The following CCDC171 variants were observed in gnomAD, a reference collection of about 807,000 sequenced individuals.
The protein encoded by CCDC171 is coiled-coil domain containing 171.
A neutral mutation model predicts 168.2 loss-of-function variants in CCDC171; 177 were observed. That is an observed-to-expected ratio of 1.05 (90% CI 0.93 to 1.19). The LOEUF (loss-of-function observed/expected upper bound fraction) is 1.19. Among genes scored for constraint, CCDC171 ranks in the 50% most tolerant of loss-of-function variants. The pLI, the probability that CCDC171 is intolerant of heterozygous loss-of-function variation, is 0.00. For missense variants in CCDC171, 1,991 were observed against 1,539.0 expected (o/e 1.29, Z -4.91); for synonymous variants, 687 against 540.8 (o/e 1.27, Z -3.75).
intron 3 of CCDC171, among the ~76,000 whole-genome samples, chr9:15,985,344 T>C (rs1319626089): frequency 6.6e-6 from 1 of 152,216 alleles, no homozygotes. Flanking sequence ...ACTGATCCTT[T>C]AGTCAGATTA....
At chr9:15,920,084 C>G (rs1359670322) in intron 24 of CCDC171, among the ~76,000 whole-genome samples, 186 bp from the exon 25 acceptor site, 1 of 151,620 alleles carries the variant, frequency 6.6e-6, no homozygotes, top group Non-Finnish European at 1.5e-5. Flanking sequence ...CAATTATTTT[C>G]TCACAAACTT....
chr9:15,599,839 C>A (rs200193443), intron 6 of CCDC171, among the ~76,000 whole-genome samples: 1 of 152,082 alleles, frequency 6.6e-6, no homozygotes, highest in Non-Finnish European at 1.5e-5. Context: ...TGGAGACTTT[C>A]TTTGTTTCTT....
intron 21 of CCDC171, among the ~76,000 whole-genome samples, chr9:15,809,577 G>T (rs142148786): frequency 6.6e-6 from 1 of 152,044 alleles, no homozygotes; most frequent in African/African-American, 2.4e-5. Context: ...AGACTTTCGC[G>T]GTGTGTGTTA....
intron 6 of CCDC171, among the ~76,000 whole-genome samples, chr9:16,031,183 GT>G (rs1382079226): frequency 1.3e-5 from 2 of 152,232 alleles, no homozygotes; most frequent in South Asian, 2.1e-4. Flanking sequence ...TTGAAAATAG[GT>G]TTTTCAGCCT....
intron 23 of CCDC171, among the ~76,000 whole-genome samples, chr9:15,853,441 C>G (rs1588858033): frequency 6.6e-6 from 1 of 151,570 alleles, no homozygotes; most frequent in East Asian, 1.9e-4. Context: ...TTTGTATGTT[C>G]ATCTTTTCTC....
intron 23 of CCDC171, among the ~76,000 whole-genome samples, chr9:15,859,689 C>G (rs1423040267): frequency 7.0e-6 from 1 of 143,740 alleles, no homozygotes; most frequent in African/African-American, 2.6e-5. Flanking sequence ...CAGTGTCTTG[C>G]TCTGTTGCCT....
intron 8 of CCDC171, among the ~76,000 whole-genome samples, chr9:15,664,823 C>G (rs2048613106): frequency 6.6e-6 from 1 of 150,942 alleles, no homozygotes; most frequent in Non-Finnish European, 1.5e-5. Flanking sequence ...CTCAGCCTCC[C>G]TAGTGGCTGG....
intron 25 of CCDC171, among the ~76,000 whole-genome samples, chr9:15,950,951 A>C (rs1829083411): frequency 6.6e-6 from 1 of 151,630 alleles, no homozygotes; most frequent in African/African-American, 2.4e-5. Context: ...AATGGAAAAC[A>C]AAAAGAGGCA....
intron 1 of CCDC171, among the ~76,000 whole-genome samples, chr9:16,047,869 G>A (rs1464967709): frequency 6.6e-6 from 1 of 152,230 alleles, no homozygotes; most frequent in East Asian, 1.9e-4. Context: ...CTGGCTTCCA[G>A]GTTGTGATGG....
intron 24 of CCDC171, among the ~76,000 whole-genome samples, chr9:15,911,907 A>C (rs1054331629): frequency 6.6e-6 from 1 of 152,166 alleles, no homozygotes; most frequent in Non-Finnish European, 1.5e-5. Flanking sequence ...ATTGGTCTAC[A>C]TACCTGTTTT....
At position 15,846,981 on chromosome 9, in the gene CCDC171, T is replaced by C. The variant is rs561004813; in HGVS notation, c.3413+134T>C. ...ACAGCTGTCTTTCTTTGAAATTCTC[T>C]GATATATCCTCAAAAAAGAAAAACT... is the stretch of plus-strand genomic sequence containing the variant. On this transcript the variant is annotated intron_variant, in intron 22 of 25. Transcript: ENST00000380701. The C allele has an allele frequency of 5.8e-5, 39 of 677,816 alleles. No homozygotes were observed. In the South Asian group the frequency reaches 1.1e-3, roughly 18 times the overall value. 42.0% of individuals were successfully genotyped at this position (677,816 alleles called of 1,614,324 possible).
chr9:15,710,558 C>T (rs1262407541), intron 11 of CCDC171, among the ~76,000 whole-genome samples: 1 of 151,970 alleles, frequency 6.6e-6, no homozygotes, highest in Non-Finnish European at 1.5e-5. Flanking sequence ...GCCTCGACCT[C>T]CCAAAGTGCT....
At chr9:15,606,450 A>G (rs2043234050) in intron 6 of CCDC171, among the ~76,000 whole-genome samples, 1 of 152,242 alleles carries the variant, frequency 6.6e-6, no homozygotes, top group African/African-American at 2.4e-5. Context: ...CTCTATAGCA[A>G]CAAACACTTT....
At chr9:15,873,194 G>A (rs1237284958) in intron 23 of CCDC171, among the ~76,000 whole-genome samples, 1 of 152,014 alleles carries the variant, frequency 6.6e-6, no homozygotes, top group African/African-American at 2.4e-5. Flanking sequence ...ATATGTTTGT[G>A]TGTGTTTGCT....
chr9:15,603,271 T>G (rs1274572624), intron 6 of CCDC171, among the ~76,000 whole-genome samples: 1 of 152,140 alleles, frequency 6.6e-6, no homozygotes, highest in East Asian at 1.9e-4. Context: ...TTTAAGTTTT[T>G]GGGTACATAT....
rs2048348893 is a variant in CCDC171 at position 15,661,872 on chromosome 9, A to G, written c.916-4291A>G. ...TCCCCAGATTTACTGTTTGGCTTAC[A>G]AACATTGGATTTAGACAAAATAACA... On this transcript the variant is annotated intron_variant, in intron 8 of 25. Transcript: ENST00000380701. Among the ~76,000 whole-genome samples, 4 of 152,268 alleles carry G rather than the reference A, an allele frequency of 2.6e-5. No homozygotes were observed. The South Asian group carries it at 6.2e-4, about 24-fold the overall frequency.
chr9:15,816,372 A>G (rs1347644883), intron 21 of CCDC171, among the ~76,000 whole-genome samples: 1 of 119,058 alleles, frequency 8.4e-6, no homozygotes, highest in Non-Finnish European at 1.9e-5. Context: ...AATAACTTGT[A>G]TATAATCTCA....
the CCDC171 span, among the ~76,000 whole-genome samples, chr9:16,086,311 A>AT: frequency 0.14 from 19,424 of 141,384 alleles, 1,390 homozygotes; most frequent in Middle Eastern, 0.18. Flanking sequence ...CCCCTTTATC[A>AT]TTTTTTTTTT....
chr9:15,853,555 C>T (rs938496171), intron 23 of CCDC171, among the ~76,000 whole-genome samples: 1 of 151,394 alleles, frequency 6.6e-6, no homozygotes, highest in Non-Finnish European at 1.5e-5. Context: ...TATAGTTTTA[C>T]TTAGTTCTTT....
Sources: gnomAD v4.1 joint callset for allele counts (sites outside exome capture counted in the v4.1 genomes callset) on GRCh38, gnomAD v4.1.1 for gene constraint, MANE v1.5 for transcripts, NCBI Gene and HGNC (gene_info 2026-07-23, HGNC 2026-07-21) for gene names.